The following RTKN variants were observed in gnomAD, a reference collection of about 807,000 sequenced individuals.
RTKN encodes the protein rhotekin.
In RTKN, 49 loss-of-function variants were observed where a neutral mutation model predicts 63.5. That is an observed-to-expected ratio of 0.77 (90% CI 0.61 to 0.98). The LOEUF is 0.98. Ranked by LOEUF, RTKN falls within the 50% of genes least tolerant of loss-of-function variation. RTKN has a pLI of 0.00. For missense variants in RTKN, 685 were observed against 740.8 expected, an observed-to-expected ratio of 0.92 and a Z score of 0.87; for synonymous variants, 295 against 290.4, an observed-to-expected ratio of 1.02 and a Z score of -0.16.
chr2:74,427,221 G>C lies in RTKN; in HGVS notation c.1308C>G (p.Pro436=), dbSNP rs763357914. 6.2e-7 allele frequency: 1 copy of C among 1,614,124 alleles called. No individual in the cohort carries two copies. The highest frequency in any genetic ancestry group is 8.5e-7 in the Non-Finnish European group (1 of 1,180,024). ...DEIMKIETPA[P]RKPPQALAKQ... is the part of the protein sequence containing the mutation. ...TTGCCAGTGCTTGGGGTGGTTTCCG[G>C]GGAGCAGGAGTTTCAATTTTCATGA... is the stretch of plus-strand genomic sequence containing the variant. Residue 436 remains proline, a synonymous_variant, in exon 11 of 12, where the codon CCC becomes CCG. Transcript: ENST00000272430.
chr2:74,431,916 G>C (rs1670771991), intron 2 of RTKN: 1 of 171,346 alleles, frequency 5.8e-6, no homozygotes, highest in African/African-American at 2.4e-5. Context: ...AGTCATTATA[G>C]ACTTGTCAGA....
Position 74,427,576 on chromosome 2 carries a change from G to A in RTKN, c.1103C>T (p.Ala368Val). ...IAVNKETRVR[A>V]GELDQALGRP... ...TCCTAGAGCCTGGTCCAGCTCCCCT[G>A]CCCGGACTCGAGTCTCCTGCAGGAG... is the stretch of plus-strand genomic sequence containing the variant. Residue 368 changes from alanine (A) to valine (V), a missense_variant, in exon 10 of 12, where the codon GCA becomes GTA. Transcript: ENST00000272430. The A allele has an allele frequency of 1.9e-6, 3 of 1,612,590 alleles. No individual in the cohort carries two copies. The highest frequency in any genetic ancestry group is 1.7e-6 in the Non-Finnish European group (2 of 1,179,818).
intron 1 of RTKN, chr2:74,439,772 T>C: frequency 6.7e-7 from 1 of 1,488,260 alleles, no homozygotes. Context: ...GCTGCCCTTA[T>C]CCCTCTGCAC....
chr2:74,432,958 T>A (rs1366945409), intron 1 of RTKN, among the ~76,000 whole-genome samples: 1 of 151,762 alleles, frequency 6.6e-6, no homozygotes. Context: ...AAAAAATATA[T>A]AACAGCCGGG....
Position 74,426,171 on chromosome 2 carries a change from C to A in RTKN, c.*72G>T. The A allele has an allele frequency of 7.2e-7, 1 of 1,384,578 alleles. No homozygotes were observed. The highest frequency in any genetic ancestry group is 1.0e-6 in the Non-Finnish European group (1 of 987,614). 85.8% of individuals were successfully genotyped at this position (1,384,578 alleles called of 1,614,324 possible). A position where few individuals can be genotyped will look rare whatever the true frequency, so the allele number is the denominator to read the frequency against. On this transcript the variant is annotated 3_prime_UTR_variant, in exon 12 of 12. Transcript: ENST00000272430. ...ACTGGCCAACTTGCTATAGACAGCG[C>A]CGTATCCAGAGCCCAACTGCGCATG...
intron 1 of RTKN, among the ~76,000 whole-genome samples, chr2:74,438,616 C>T (rs1004317411): frequency 1.3e-5 from 2 of 152,252 alleles, no homozygotes; most frequent in African/African-American, 4.8e-5. Context: ...GATCTGGCCC[C>T]TGCCCATCAG....
At chr2:74,428,210 G>A in intron 9 of RTKN, 58 bp downstream of exon 9, 2 of 1,612,734 alleles carry the variant, frequency 1.2e-6, no homozygotes, top group South Asian at 2.2e-5. Context: ...CCTGGGGCCT[G>A]AAGGAGAGGC....
At position 74,441,838 on chromosome 2, in the gene RTKN, C is replaced by T. The variant is rs1269553871; in HGVS notation, c.-22G>A. 2.0e-6 allele frequency: 3 copies of T among 1,508,236 alleles called. No homozygotes were observed. Among genetic ancestry groups the T allele is most frequent in the East Asian group, 2.3e-5 (1 of 43,870 alleles). 93.4% of individuals were successfully genotyped at this position (1,508,236 alleles called of 1,614,324 possible). On this transcript the variant is annotated 5_prime_UTR_variant, in exon 1 of 12. Coordinates refer to ENST00000272430, the MANE Select transcript of RTKN (RefSeq NM_001015055.2). ...ACATGCTGGCGGCCCTGCGACTTTG[C>T]CTGCTCAGTGCGCTCCCCGCGCCGC...
intron 2 of RTKN, chr2:74,431,646 A>G (rs936626310): frequency 1.3e-5 from 2 of 152,382 alleles, no homozygotes; most frequent in African/African-American, 4.8e-5. Flanking sequence ...GGATAGCCAT[A>G]CAGTGGGTTT....
At chr2:74,437,823 A>G (rs1671139164) in intron 1 of RTKN, among the ~76,000 whole-genome samples, 1 of 152,164 alleles carries the variant, frequency 6.6e-6, no homozygotes, top group South Asian at 2.1e-4. Context: ...CCTTTCCACA[A>G]ATTAGAAAAA....
intron 1 of RTKN, among the ~76,000 whole-genome samples, chr2:74,434,398 G>A (rs568177486): frequency 6.6e-6 from 1 of 151,668 alleles, no homozygotes; most frequent in African/African-American, 2.4e-5. Flanking sequence ...CTTCTGCCTA[G>A]CCTCCGGAGT....
chr2:74,430,066 A>C (rs761580624), intron 5 of RTKN, 29 bp from the exon 6 acceptor site: 1 of 1,612,850 alleles, frequency 6.2e-7, no homozygotes, highest in Non-Finnish European at 8.5e-7. Context: ...GAGGGTGGTC[A>C]CAGGAAAGTC....
At chr2:74,431,028 C>T (rs560382898) in intron 2 of RTKN, 86 of 269,484 alleles carry the variant, frequency 3.2e-4, no homozygotes, top group Non-Finnish European at 5.1e-4. Context: ...CCAGGGCTCT[C>T]CATTAAACCC....
chr2:74,426,898 T>C, intron 11 of RTKN: 1 of 1,357,744 alleles, frequency 7.4e-7, no homozygotes, highest in Non-Finnish European at 9.4e-7. Flanking sequence ...GGAATCCACA[T>C]GCAGAAAGGG....
At chr2:74,433,634 C>T (rs964694288) in intron 1 of RTKN, among the ~76,000 whole-genome samples, 4 of 151,988 alleles carry the variant, frequency 2.6e-5, no homozygotes, top group Admixed American at 6.6e-5. Context: ...GGACTACAGG[C>T]GCCCGCCACC....
Position 74,441,809 on chromosome 2 carries a change from G to T in RTKN, c.8C>A (p.Ser3Tyr). The T allele has an allele frequency of 1.2e-6, 2 of 1,608,474 alleles. No individual in the cohort carries two copies. The highest frequency in any genetic ancestry group is 8.5e-7 in the Non-Finnish European group (1 of 1,177,874). MF[S>Y]RNHRSRVTVA... ...GGTGACCCGGCTCCGGTGGTTTCGG[G>T]AGAACATGCTGGCGGCCCTGCGACT... The change falls in exon 1 of 12, where the codon TCC becomes TAC. Residue 3 changes from serine (S) to tyrosine (Y), a missense_variant. Coordinates refer to ENST00000272430, the MANE Select transcript of RTKN (RefSeq NM_001015055.2).
intron 2 of RTKN, 122 bp from the exon 3 acceptor site, chr2:74,430,799 G>C (rs1473168662): frequency 1.4e-5 from 13 of 933,244 alleles, no homozygotes; most frequent in Non-Finnish European, 2.1e-5. Context: ...CAGCCAGGCC[G>C]ACAGGCAGGG....
intron 1 of RTKN, chr2:74,440,718 G>A (rs931856698): frequency 9.1e-6 from 2 of 219,844 alleles, no homozygotes; most frequent in African/African-American, 2.3e-5. Flanking sequence ...AAGGGGACGC[G>A]ACAAAGGCCC....
chr2:74,440,264 G>A lies in RTKN; in HGVS notation c.111+1442C>T, dbSNP rs895103570. On this transcript the variant is annotated intron_variant, in intron 1 of 11. Transcript: ENST00000272430. Reference sequence around the variant, plus strand: ...GTGAGCCCAGGGAATGGGACAAAGGGGTGAGTTGGCAAAGCAGCCCAGCCC... The same window carrying A: ...GTGAGCCCAGGGAATGGGACAAAGGAGTGAGTTGGCAAAGCAGCCCAGCCC... 3 of 717,186 alleles carry A rather than the reference G, an allele frequency of 4.2e-6. No individual in the cohort carries two copies. The African/African-American group carries it at 5.8e-5, about 14-fold the overall frequency. 44.4% of individuals were successfully genotyped at this position (717,186 alleles called of 1,614,324 possible).
Sources: gnomAD v4.1 joint callset for allele counts (sites outside exome capture counted in the v4.1 genomes callset) on GRCh38, gnomAD v4.1.1 for gene constraint, MANE v1.5 for transcripts, NCBI Gene and HGNC (gene_info 2026-07-23, HGNC 2026-07-21) for gene names.